POLRMT: variants seen among roughly 807,000 people sequenced by gnomAD.
POLRMT encodes RNA polymerase mitochondrial.
A neutral mutation model predicts 132.2 loss-of-function variants in POLRMT; 114 were observed. The observed-to-expected ratio is 0.86, with a 90% confidence interval of 0.74 to 1.01. POLRMT has a LOEUF of 1.01. Ranked by LOEUF, POLRMT falls within the 50% of genes least tolerant of loss-of-function variation. The pLI is 0.00. For synonymous variants in POLRMT, 1,020 were observed against 773.4 expected (o/e 1.32, Z -5.29); for missense variants, 2,003 against 1,729.1 (o/e 1.16, Z -2.81).
At chr19:617,748 G>C in intron 18 of POLRMT, 29 bp downstream of exon 18, 1 of 1,612,714 alleles carries the variant, frequency 6.2e-7, no homozygotes, top group Non-Finnish European at 8.5e-7. Flanking sequence ...CCACCCATGG[G>C]TGGACTGAGG....
In POLRMT at chr19:617,270, G is replaced by A. The variant is rs756496884; in HGVS notation, c.*4C>T. 4 of 1,612,728 alleles carry A rather than the reference G, an allele frequency of 2.5e-6. No homozygotes were observed. The highest frequency in any genetic ancestry group is 2.5e-6 in the Non-Finnish European group (3 of 1,179,832). On this transcript the variant is annotated 3_prime_UTR_variant, in exon 21 of 21. Transcript: ENST00000588649. ...ATTTACACACTGACAAGGCTCACGG[G>A]GTGTCAGCTGAAGAAGTAGGTGGAA...
At chr19:621,983 C>A in intron 9 of POLRMT, 137 bp from the exon 10 acceptor site, 1 of 1,222,012 alleles carries the variant, frequency 8.2e-7, no homozygotes, top group Non-Finnish European at 1.1e-6. Flanking sequence ...GAAGCCACCT[C>A]CAGAAACGGC....
Position 632,535 on chromosome 19 carries a change from C to CGG in POLRMT, c.193+298_193+299insCC, listed in dbSNP as rs771172907. 1.6e-3 allele frequency among the ~76,000 whole-genome samples: 166 copies of CGG among 100,798 alleles called. 1 individual carries two copies. The highest frequency in any genetic ancestry group is 6.1e-3 in the African/African-American group (157 of 25,676). The allele number at this position is 100,798 out of a possible 152,430, so 66.1% of individuals were successfully genotyped here. ...TGCACATGTGGCCTTGGCGGCGGGG[C>CGG]CGGGGGGGGGGTCTCTCCAGACATA... is the stretch of plus-strand genomic sequence containing the variant. On this transcript the variant is annotated intron_variant, in intron 2 of 20. Coordinates refer to ENST00000588649, the MANE Select transcript of POLRMT (RefSeq NM_005035.4).
chr19:622,043 T>A (rs1984652048), intron 9 of POLRMT, 106 bp downstream of exon 9: 1 of 1,218,720 alleles, frequency 8.2e-7, no homozygotes, highest in Non-Finnish European at 1.1e-6. Context: ...TGGGAGGTAC[T>A]GACGGCTGCG....
intron 3 of POLRMT, among the ~76,000 whole-genome samples, chr19:627,615 C>G (rs535282877): frequency 6.6e-6 from 1 of 151,962 alleles, no homozygotes; most frequent in African/African-American, 2.4e-5. Context: ...ATAGAAAGTT[C>G]TACTGGATGG....
chr19:620,505 G>A lies in POLRMT; in HGVS notation c.2641-18C>T, dbSNP rs761552363. 2 of 1,553,232 alleles carry A rather than the reference G, an allele frequency of 1.3e-6. No individual in the cohort carries two copies. Among genetic ancestry groups the A allele is most frequent in the South Asian group, 1.2e-5 (1 of 82,476 alleles). On this transcript the variant is annotated intron_variant, in intron 10 of 20. Coordinates refer to ENST00000588649, the MANE Select transcript of POLRMT (RefSeq NM_005035.4). The stretch of plus-strand genomic sequence containing the variant: ...TTTCGGCCCTGCGGGGACAGCGGAT[G>A]GGGGGCAGTGAGGCCCGGGCCCGAT...
chr19:623,414 AG>A (rs41541615), intron 6 of POLRMT, 39 bp downstream of exon 6: 188,189 of 1,597,196 alleles, frequency 0.12, 17,323 homozygotes, highest in Middle Eastern at 0.13. Flanking sequence ...ACCCCGGCTC[AG>A]CCCCTGCGGC....
chr19:617,336 C>T lies in POLRMT; in HGVS notation c.3644-13G>A, dbSNP rs1331717613. 3.1e-6 allele frequency: 5 copies of T among 1,612,730 alleles called. No homozygotes were observed. The African/African-American group carries it at 5.3e-5, about 17-fold the overall frequency. ...AGGTCGAAGGCCCCTGCGGAGGAAG[C>T]AGAGCGGACGGCGTGGGTGGCGGGA... On this transcript the variant is annotated splice_polypyrimidine_tract_variant and intron_variant, in intron 20 of 20. Transcript: ENST00000588649.
rs572470003 is a variant in POLRMT at position 618,468 on chromosome 19, C to T, written c.3422+20G>A. On this transcript the variant is annotated intron_variant, in intron 17 of 20. Transcript: ENST00000588649. The stretch of plus-strand genomic sequence containing the variant: ...GCCCCTGGGAGGCGAGCGGCACCCA[C>T]GCCGTCCGGAGACGCCCACCTGTAG... 72 of 1,565,098 alleles carry T rather than the reference C, an allele frequency of 4.6e-5. No homozygotes were observed. Among genetic ancestry groups the T allele is most frequent in the Non-Finnish European group, 5.9e-5 (67 of 1,144,826 alleles).
chr19:627,329 A>G (rs1985096226), intron 3 of POLRMT, among the ~76,000 whole-genome samples: 1 of 150,686 alleles, frequency 6.6e-6, no homozygotes, highest in Non-Finnish European at 1.5e-5. Context: ...TTTTTTGTAT[A>G]TTTTTAGTAG....
chr19:620,203 C>A lies in POLRMT; in HGVS notation c.2764-123G>T, dbSNP rs1026781026. 58 of 1,467,508 alleles carry A rather than the reference C, an allele frequency of 4.0e-5. 1 individual carries two copies. The African/African-American group carries it at 7.1e-4, about 18-fold the overall frequency. 90.9% of individuals were successfully genotyped at this position (1,467,508 alleles called of 1,614,324 possible). On this transcript the variant is annotated intron_variant, in intron 11 of 20. Coordinates refer to ENST00000588649, the MANE Select transcript of POLRMT (RefSeq NM_005035.4). Reference sequence around the variant, plus strand: ...CACCCCCCAGCCAAGTGCACCGGAGCCCCCGCACGCTCCCGGGAGAGACCA... The same window carrying A: ...CACCCCCCAGCCAAGTGCACCGGAGACCCCGCACGCTCCCGGGAGAGACCA...
intron 17 of POLRMT, chr19:618,197 A>C (rs1568373801): frequency 7.4e-6 from 4 of 540,426 alleles, no homozygotes; most frequent in African/African-American, 3.8e-5. Context: ...TGCTGGAACG[A>C]CCTCCACGTG....
chr19:629,489 T>C (rs1985247754), intron 3 of POLRMT, 51 bp downstream of exon 3: 1 of 1,456,060 alleles, frequency 6.9e-7, no homozygotes, highest in East Asian at 2.5e-5. Flanking sequence ...TGAGGGCAAG[T>C]TCCTGTCTCC....
At chr19:633,122 G>A (rs1276937071) in intron 1 of POLRMT, 184 bp from the exon 2 acceptor site, 1 of 617,472 alleles carries the variant, frequency 1.6e-6, no homozygotes, top group Non-Finnish European at 2.6e-6. Flanking sequence ...CGGCGAACAC[G>A]GGCGCGGAAC....
Position 621,429 on chromosome 19 carries a change from C to T in POLRMT, c.2269G>A (p.Glu757Lys), listed in dbSNP as rs1235437152. Residue 757 changes from glutamate to lysine, a missense_variant, in exon 10 of 21, where the codon GAG (glutamate) becomes AAG (lysine). Coordinates refer to ENST00000588649, the MANE Select transcript of POLRMT (RefSeq NM_005035.4). ...CAGTGCGCCAGCTCACGGCGCAGCTCGGCCTTGCGGGCGGGCGCGGCGCTG... is the reference window on the plus strand; with the variant it reads ...CAGTGCGCCAGCTCACGGCGCAGCTTGGCCTTGCGGGCGGGCGCGGCGCTG... ...PHSAAPARKA[E>K]LRRELAHCQK... 2.7e-6 allele frequency: 4 copies of T among 1,470,554 alleles called. No individual in the cohort carries two copies. Among genetic ancestry groups the T allele is most frequent in the African/African-American group, 1.5e-5 (1 of 67,994 alleles). The allele number at this position is 1,470,554 out of a possible 1,614,324, so 91.1% of individuals were successfully genotyped here.
chr19:629,854 G>A lies in POLRMT; in HGVS notation c.508C>T (p.Gln170Ter), dbSNP rs1282902655. The A allele has an allele frequency of 1.2e-6, 2 of 1,607,364 alleles. No individual in the cohort carries two copies. The highest frequency in any genetic ancestry group is 8.5e-7 in the Non-Finnish European group (1 of 1,177,078). The stretch of plus-strand genomic sequence containing the variant: ...CAGTCCTCCAGGCACCCGGCCATCT[G>A]CTTGCTCAGGAGCCGGGGCTCCACC... ...LQVEPRLLSK[Q>*]MAGCLEDCTR... is the part of the protein sequence containing the mutation. The change falls in exon 3 of 21, where the codon CAG becomes TAG. Residue 170 changes from glutamine (Q) to a stop codon, truncating the protein, a stop_gained. Coordinates refer to ENST00000588649, the MANE Select transcript of POLRMT (RefSeq NM_005035.4). LOFTEE classifies it high-confidence loss of function.
rs200921997 is a variant in POLRMT at position 633,500 on chromosome 19, A to G, written c.13T>C (p.Cys5Arg). The G allele has an allele frequency of 2.0e-4, 253 of 1,290,776 alleles. 2 individuals carry two copies. In the African/African-American group the frequency reaches 4.9e-3, roughly 25 times the overall value. The allele number at this position is 1,290,776 out of a possible 1,614,324, so 80.0% of individuals were successfully genotyped here. MSAL[C>R]WGRGAAGLKR... ...AGCCCCGCCGCTCCGCGGCCCCAGC[A>G]AAGTGCCGACATTACGCACGCCGCT... The change falls in exon 1 of 21, where the codon TGC becomes CGC. Residue 5 changes from cysteine (C) to arginine (R), a missense_variant. Coordinates refer to ENST00000588649, the MANE Select transcript of POLRMT (RefSeq NM_005035.4).
chr19:632,781 G>T, intron 2 of POLRMT, 53 bp downstream of exon 2: 1 of 1,434,866 alleles, frequency 7.0e-7, no homozygotes, highest in Non-Finnish European at 9.4e-7. Context: ...CTTTTCTCCC[G>T]GCAGCAGGGA....
At chr19:627,882 GGCA>G (rs1985133755) in intron 3 of POLRMT, among the ~76,000 whole-genome samples, 1 of 147,096 alleles carries the variant, frequency 6.8e-6, no homozygotes, top group Admixed American at 6.9e-5. Flanking sequence ...CCGAGATCAT[GGCA>G]CTGCACCCTA....
Sources: allele counts gnomAD v4.1 joint callset (sites outside exome capture counted in the v4.1 genomes callset), GRCh38; gene constraint gnomAD v4.1.1; transcripts MANE v1.5; gene names NCBI Gene and HGNC (gene_info 2026-07-23, HGNC 2026-07-21).